KMT2E: variants seen among roughly 807,000 people sequenced by gnomAD.
KMT2E encodes the protein histone reader KMT2E.
In KMT2E, 30 loss-of-function variants were observed where a neutral mutation model predicts 184.6. The ratio of observed to expected loss-of-function variants is 0.16; its 90% CI spans 0.12 to 0.22. KMT2E has a LOEUF of 0.22. Among genes scored for constraint, KMT2E ranks in the 10% least tolerant of loss-of-function variants. The pLI is 1.00. For synonymous variants in KMT2E, 815 were observed against 776.5 expected, an observed-to-expected ratio of 1.05 and a Z score of -0.82; for missense variants, 2,023 against 2,237.4, an observed-to-expected ratio of 0.90 and a Z score of 1.93.
At chr7:105,098,109 A>T (rs1798494080) in intron 15 of KMT2E, among the ~76,000 whole-genome samples, 1 of 152,204 alleles carries the variant, frequency 6.6e-6, no homozygotes. Context: ...TTAGATTTAT[A>T]AGTTTATCTT....
rs763010619 is a variant in KMT2E at position 105,107,542 on chromosome 7, G to A, written c.3085G>A (p.Ala1029Thr). ...PVSDLQLGLD[A>T]VEPTALHKTL... ...GTCAGACCTTCAGCTAGGACTCGAT[G>A]CAGTTGAGCCAACTGCCCTACATAA... The change falls in exon 22 of 27, where the codon GCA becomes ACA. Residue 1029 changes from alanine to threonine, a missense_variant. Ala to Thr is a moderately conservative substitution (Grantham distance 58). Around this residue, in one of 8 missense-constraint regions of KMT2E, gnomAD observed 1,108 missense variants for 1,050.9 expected, o/e 1.05. Transcript: ENST00000311117. 6.2e-7 allele frequency: 1 copy of A among 1,614,094 alleles called. No individual in the cohort carries two copies. The highest frequency in any genetic ancestry group is 1.1e-5 in the South Asian group (1 of 91,072).
intron 1 of KMT2E, among the ~76,000 whole-genome samples, chr7:105,023,278 T>G (rs2129564102): frequency 6.6e-6 from 1 of 151,348 alleles, no homozygotes; most frequent in Non-Finnish European, 1.5e-5. Flanking sequence ...GGCGGGCCCC[T>G]GTAATCCCAG....
chr7:105,107,046 A>C (rs1798930664), intron 20 of KMT2E, 120 bp from the exon 21 acceptor site: 6 of 666,152 alleles, frequency 9.0e-6, no homozygotes, highest in Non-Finnish European at 1.5e-5. Context: ...GGAAATAAAC[A>C]GGAAACAAGA....
At chr7:105,063,627 C>T (rs1796909155) in intron 5 of KMT2E, 47 bp downstream of exon 5, 1 of 1,270,054 alleles carries the variant, frequency 7.9e-7, no homozygotes, top group Non-Finnish European at 1.1e-6. Flanking sequence ...ATGCTGATAA[C>T]CTTTGGTAAT....
chr7:105,105,443 T>C lies in KMT2E; in HGVS notation c.2201T>C (p.Leu734Ser). ...PTKYPKTKKH[L>S]VNEWLSEKNE... ...CAATTTTTTTCTTTTCTCTAGCACT[T>C]GGTTAATGAATGGTTAAGTGAGAAG... The change falls in exon 18 of 27, where the codon TTG becomes TCG. Residue 734 changes from leucine to serine, a missense_variant. This residue lies in a region of KMT2E where 514 missense variants were observed against 621.8 expected (regional missense o/e 0.83). Transcript: ENST00000311117. 6.3e-7 allele frequency: 1 copy of C among 1,579,314 alleles called. No homozygotes were observed. Among genetic ancestry groups the C allele is most frequent in the Non-Finnish European group, 8.6e-7 (1 of 1,167,740 alleles).
Position 105,105,956 on chromosome 7 carries a change from G to T in KMT2E, c.2549G>T (p.Gly850Val), listed in dbSNP as rs1317298761. 6.2e-7 allele frequency: 1 copy of T among 1,613,138 alleles called. No homozygotes were observed. The highest frequency in any genetic ancestry group is 1.3e-5 in the African/African-American group (1 of 74,832). Residue 850 changes from glycine to valine, a missense_variant, in exon 19 of 27, where the codon GGT (glycine) becomes GTT (valine). Transcript: ENST00000311117. ...QERSRSPAVN[G>V]ENKSPLLLND... is the part of the protein sequence containing the mutation. ...AGATCCAGAAGTCCTGCAGTCAATG[G>T]TGAAAATAAAAGTCCACTACTATTA... is the stretch of plus-strand genomic sequence containing the variant.
chr7:105,063,615 G>C, intron 5 of KMT2E, 35 bp downstream of exon 5: 2 of 1,356,942 alleles, frequency 1.5e-6, no homozygotes, highest in Non-Finnish European at 1.0e-6. Flanking sequence ...TATTTTTCTT[G>C]AATGCTGATA....
intron 6 of KMT2E, among the ~76,000 whole-genome samples, chr7:105,068,639 G>GT (rs1162488673): frequency 0.012 from 1,343 of 111,510 alleles, 37 homozygotes; most frequent in African/African-American, 0.047. Context: ...TTTTTTTTTT[G>GT]TTTTTTTTTT....
chr7:105,016,023 C>T (rs1198948613), intron 1 of KMT2E, among the ~76,000 whole-genome samples: 3 of 151,808 alleles, frequency 2.0e-5, no homozygotes, highest in Non-Finnish European at 2.9e-5. Flanking sequence ...TTTAATCCAA[C>T]CATCTTTTAT....
intron 25 of KMT2E, 33 bp downstream of exon 25, chr7:105,110,635 T>A: frequency 8.1e-6 from 13 of 1,613,030 alleles, no homozygotes; most frequent in Non-Finnish European, 1.1e-5. Context: ...ATGTTATTCT[T>A]AACAAATTTT....
chr7:105,029,154 G>A (rs1000690263), intron 1 of KMT2E, among the ~76,000 whole-genome samples: 1 of 151,978 alleles, frequency 6.6e-6, no homozygotes, highest in Non-Finnish European at 1.5e-5. Context: ...ATCTAGCTAC[G>A]TGGGAGGCTG....
At chr7:105,054,001 G>T (rs933105561) in intron 3 of KMT2E, among the ~76,000 whole-genome samples, 5 of 151,758 alleles carry the variant, frequency 3.3e-5, no homozygotes, top group Non-Finnish European at 7.4e-5. Context: ...GGCAATACCT[G>T]GTCTCTACTA....
intron 15 of KMT2E, among the ~76,000 whole-genome samples, chr7:105,098,345 T>C (rs2129569298): frequency 6.6e-6 from 1 of 151,724 alleles, no homozygotes; most frequent in African/African-American, 2.4e-5. Flanking sequence ...ACTCAAGCAA[T>C]CCTCCTGCCT....
chr7:105,049,154 A>G (rs1796225008), intron 3 of KMT2E, among the ~76,000 whole-genome samples: 1 of 152,154 alleles, frequency 6.6e-6, no homozygotes, highest in African/African-American at 2.4e-5. Flanking sequence ...TTTAAGTGAA[A>G]TAAGTGCTGG....
chr7:105,109,987 T>C (rs981154220), intron 23 of KMT2E, among the ~76,000 whole-genome samples: 8 of 151,774 alleles, frequency 5.3e-5, no homozygotes, highest in East Asian at 3.9e-4. Flanking sequence ...CCCGCCACCA[T>C]GCCTGGCTAA....
chr7:105,078,581 G>A (rs951074633), intron 11 of KMT2E, among the ~76,000 whole-genome samples: 3 of 147,724 alleles, frequency 2.0e-5, no homozygotes, highest in Non-Finnish European at 4.5e-5. Context: ...CAGCCTTGAT[G>A]TCCTGGGCTC....
intron 1 of KMT2E, among the ~76,000 whole-genome samples, chr7:105,037,686 T>C (rs902710601): frequency 1.3e-5 from 2 of 152,162 alleles, no homozygotes; most frequent in Admixed American, 1.3e-4. Flanking sequence ...TTTAACACGG[T>C]CTTAAAGGCA....
Position 105,074,825 on chromosome 7 carries a change from T to A in KMT2E, c.729+10T>A. On this transcript the variant is annotated intron_variant, in intron 8 of 26. Transcript: ENST00000311117. ...TTCAAAATGTAAAAAGGTACGTTTT[T>A]GCTTGTTTTTAGGTGAGTGGATAGG... 4 of 1,591,262 alleles carry A rather than the reference T, an allele frequency of 2.5e-6. No individual in the cohort carries two copies. The highest frequency in any genetic ancestry group is 3.4e-6 in the Non-Finnish European group (4 of 1,169,298).
rs1398780060 is a variant in KMT2E, at chr7:105,106,786, A to G, written c.2847+14A>G. 2 of 1,606,350 alleles carry G rather than the reference A, an allele frequency of 1.2e-6. No homozygotes were observed. Among genetic ancestry groups the G allele is most frequent in the Admixed American group, 3.4e-5 (2 of 58,968 alleles). ...ATGCACTTTGAGGTGAGAAATTTTA[A>G]TGGAGAAAAAAAAATTCAACACTTG... On this transcript the variant is annotated intron_variant, in intron 20 of 26. Coordinates refer to ENST00000311117, the MANE Select transcript of KMT2E (RefSeq NM_182931.3).
Sources: allele counts gnomAD v4.1 joint callset (sites outside exome capture counted in the v4.1 genomes callset), GRCh38; gene constraint gnomAD v4.1.1; regional missense constraint gnomAD v4.1.1; transcripts MANE v1.5; gene names NCBI Gene and HGNC (gene_info 2026-07-23, HGNC 2026-07-21).